KMT2C: variants seen among roughly 807,000 people sequenced by gnomAD.
KMT2C encodes lysine methyltransferase 2C, also known as histone-lysine N-methyltransferase 2C.
A neutral mutation model predicts 507.9 loss-of-function variants in KMT2C; 88 were observed. The observed-to-expected ratio is 0.17, with a 90% CI of 0.15 to 0.21. The LOEUF is 0.21. Among genes scored for constraint, KMT2C ranks in the 10% least tolerant of loss-of-function variants. The probability of loss-of-function intolerance (pLI) is 1.00; values close to 1 mark genes in which losing one functional copy is unlikely to be tolerated. For missense variants in KMT2C, 4,954 were observed against 5,957.8 expected, an observed-to-expected ratio of 0.83 and a Z score of 5.55; for synonymous variants, 2,049 against 2,080.8, an observed-to-expected ratio of 0.98 and a Z score of 0.42.
intron 43 of KMT2C, among the ~76,000 whole-genome samples, 169 bp downstream of exon 43, chr7:152,161,948 A>G (rs536542518): frequency 6.6e-6 from 1 of 152,260 alleles, no homozygotes; most frequent in South Asian, 2.1e-4. Context: ...TAGTTTAGAT[A>G]TAAGTAAAAA....
At position 152,187,804 on chromosome 7, in the gene KMT2C, G is replaced by A; in HGVS notation, c.4704C>T (p.Ser1568=). ...AAGAATTATGTGGGAGATGAGGACT[G>A]GATCCAATAAGGCCATTCATGAGAG... is the stretch of plus-strand genomic sequence containing the variant. ...RMPLMNGLIG[S]SPHLPHNSLP... The change falls in exon 32 of 59, where the codon TCC becomes TCT. Residue 1568 remains serine (S), a synonymous_variant. Coordinates refer to ENST00000262189, the MANE Select transcript of KMT2C (RefSeq NM_170606.3). 1 of 1,613,922 alleles carries A rather than the reference G, an allele frequency of 6.2e-7. No individual in the cohort carries two copies. The highest frequency in any genetic ancestry group is 1.3e-5 in the African/African-American group (1 of 75,040).
At chr7:152,402,011 G>GA (rs1444866283) in intron 1 of KMT2C, among the ~76,000 whole-genome samples, 37 of 152,410 alleles carry the variant, frequency 2.4e-4, no homozygotes, top group African/African-American at 8.9e-4. Context: ...TCGGGAGGCT[G>GA]AGACAGGAGA....
rs118061609 is a variant in KMT2C at position 152,158,261 on chromosome 7, G to A, written c.11670+602C>T. Among the ~76,000 whole-genome samples the A allele has an allele frequency of 3.7e-3, 568 of 152,332 alleles. 4 individuals are homozygous for A. Among genetic ancestry groups the A allele is most frequent in the Non-Finnish European group, 6.9e-3 (467 of 68,026 alleles). On this transcript the variant is annotated intron_variant, in intron 44 of 58. Coordinates refer to ENST00000262189, the MANE Select transcript of KMT2C (RefSeq NM_170606.3). ...CTTCTGTAACAACCACAAAGGTGTA[G>A]AACAGAATTCACAATGTGTTTCTTT...
chr7:152,163,472 T>C lies in KMT2C; in HGVS notation c.10105A>G (p.Thr3369Ala), dbSNP rs2092565842. The stretch of plus-strand genomic sequence containing the variant: ...CTCTGTGGATTTGCATTTGAGACTG[T>C]CCCTGGGGCTGGTGTACAAGTTTTT... ...PIKTCTPAPG[T>A]VSNANPQSGP... The change falls in exon 43 of 59, where the codon ACA becomes GCA. Residue 3369 changes from threonine (T) to alanine (A), a missense_variant. By Grantham distance (58) the Thr-to-Ala change is moderately conservative. This residue lies in a region of KMT2C where 801 missense variants were observed against 751.2 expected (regional missense o/e 1.07). Transcript: ENST00000262189. 3 of 1,614,222 alleles carry C rather than the reference T, an allele frequency of 1.9e-6. No individual in the cohort carries two copies. Among genetic ancestry groups the C allele is most frequent in the Admixed American group, 3.3e-5 (2 of 60,024 alleles).
At chr7:152,368,597 A>G (rs996599931) in intron 1 of KMT2C, 3 of 1,426,516 alleles carry the variant, frequency 2.1e-6, no homozygotes, top group Non-Finnish European at 2.9e-6. Context: ...GCTCAACAAC[A>G]TATTTTAGAA....
rs2129124597 is a variant in KMT2C, at chr7:152,187,325, C to T, written c.4945G>A (p.Ala1649Thr). Residue 1649 changes from alanine to threonine, a missense_variant, in exon 33 of 59, where the codon GCA (alanine) becomes ACA (threonine). Around this residue, in one of 29 missense-constraint regions of KMT2C, gnomAD observed 24 missense variants for 52.9 expected, o/e 0.45. Coordinates refer to ENST00000262189, the MANE Select transcript of KMT2C (RefSeq NM_170606.3). ...WEKEEALGEM[A>T]TVAPVLYTNI... is the part of the protein sequence containing the mutation. ...GTGTAGAGAACTGGGGCAACAGTTG[C>T]CATTTCACCCAGAGCCTCCTCTTTC... is the stretch of plus-strand genomic sequence containing the variant. The T allele has an allele frequency of 1.2e-6, 2 of 1,614,098 alleles. No individual in the cohort carries two copies. Among genetic ancestry groups the T allele is most frequent in the Non-Finnish European group, 8.5e-7 (1 of 1,180,014 alleles).
At chr7:152,147,695 GA>G (rs2091250702) in intron 52 of KMT2C, among the ~76,000 whole-genome samples, 1 of 46,338 alleles carries the variant, frequency 2.2e-5, no homozygotes, top group South Asian at 6.6e-4. Flanking sequence ...CAACAAAAGA[GA>G]AACTCCGTCT....
chr7:152,263,650 G>A (rs371194048), intron 8 of KMT2C, among the ~76,000 whole-genome samples: 3 of 152,240 alleles, frequency 2.0e-5, no homozygotes, highest in South Asian at 4.1e-4. Context: ...AGATTACTGC[G>A]AGAATTAAAG....
intron 6 of KMT2C, among the ~76,000 whole-genome samples, chr7:152,303,498 T>C (rs2096589481): frequency 6.6e-6 from 1 of 152,194 alleles, no homozygotes; most frequent in South Asian, 2.1e-4. Context: ...ATTTATCCCA[T>C]TAGTGACTCT....
At chr7:152,212,230 G>A (rs1033768094) in intron 23 of KMT2C, among the ~76,000 whole-genome samples, 3 of 152,172 alleles carry the variant, frequency 2.0e-5, no homozygotes, top group African/African-American at 4.8e-5. Flanking sequence ...AGGAAGGGAT[G>A]GTCAAAAGGT....
chr7:152,395,998 A>C (rs1055831336), intron 1 of KMT2C, among the ~76,000 whole-genome samples: 1 of 152,202 alleles, frequency 6.6e-6, no homozygotes, highest in Admixed American at 6.5e-5. Flanking sequence ...TACAACCTAC[A>C]AAACCTTGTT....
At chr7:152,339,929 G>T (rs2096975050) in intron 2 of KMT2C, among the ~76,000 whole-genome samples, 1 of 151,950 alleles carries the variant, frequency 6.6e-6, no homozygotes, top group Admixed American at 6.6e-5. Flanking sequence ...AGTAAACACT[G>T]ACATTCATTA....
intron 2 of KMT2C, among the ~76,000 whole-genome samples, chr7:152,332,993 C>T (rs1252117286): frequency 6.6e-6 from 1 of 152,156 alleles, no homozygotes; most frequent in Non-Finnish European, 1.5e-5. Flanking sequence ...GTTCACTTCA[C>T]ACCAGGATCA....
Position 152,367,577 on chromosome 7 carries a change from A to T in KMT2C, c.162-8902T>A, listed in dbSNP as rs1411646250. On this transcript the variant is annotated intron_variant, in intron 1 of 58. Transcript: ENST00000262189. ...AACTCATTATTCCTTACAGATTTGT[A>T]TGCTCCAGAGTATCCAGGTCCTTCT... 3.1e-6 allele frequency: 4 copies of T among 1,274,960 alleles called. No homozygotes were observed. In the East Asian group the frequency reaches 9.2e-5, roughly 29 times the overall value. The allele number at this position is 1,274,960 out of a possible 1,614,324, so 79.0% of individuals were successfully genotyped here. A position where few individuals can be genotyped will look rare whatever the true frequency, so the allele number is the denominator to read the frequency against.
chr7:152,164,317 T>C (rs1164532699), intron 42 of KMT2C, among the ~76,000 whole-genome samples: 1 of 148,752 alleles, frequency 6.7e-6, no homozygotes, highest in East Asian at 2.0e-4. Context: ...TGAGACGGAG[T>C]CTCGCTCTGT....
At chr7:152,178,705 A>G (rs1285658201) in intron 37 of KMT2C, among the ~76,000 whole-genome samples, 1 of 152,236 alleles carries the variant, frequency 6.6e-6, no homozygotes, top group Non-Finnish European at 1.5e-5. Context: ...TACACAAAAT[A>G]TAAAATGCAG....
At chr7:152,211,606 AG>A (rs1258554512) in intron 23 of KMT2C, among the ~76,000 whole-genome samples, 2 of 152,256 alleles carry the variant, frequency 1.3e-5, no homozygotes, top group African/African-American at 4.8e-5. Flanking sequence ...TGAGGTTCAT[AG>A]TGACACCAGT....
rs185027796 is a variant in KMT2C at position 152,277,534 on chromosome 7, T to C, written c.850-3667A>G. ...GAGGAACCTAAAACCGAAAGAGTCA[T>C]TATCACTGTTCCACTTATTTCTATA... On this transcript the variant is annotated intron_variant, in intron 6 of 58. Coordinates refer to ENST00000262189, the MANE Select transcript of KMT2C (RefSeq NM_170606.3). Among the ~76,000 whole-genome samples, 3 of 152,304 alleles carry C rather than the reference T, an allele frequency of 2.0e-5. No homozygotes were observed. In the East Asian group the frequency reaches 5.8e-4, roughly 29 times the overall value.
chr7:152,182,820 C>A (rs2093477743), intron 35 of KMT2C, among the ~76,000 whole-genome samples, 154 bp downstream of exon 35: 1 of 152,076 alleles, frequency 6.6e-6, no homozygotes, highest in South Asian at 2.1e-4. Flanking sequence ...TTTCTCAAAT[C>A]AATTTAAATA....
Sources: allele counts gnomAD v4.1 joint callset (sites outside exome capture counted in the v4.1 genomes callset), GRCh38; gene constraint gnomAD v4.1.1; regional missense constraint gnomAD v4.1.1; transcripts MANE v1.5; gene names NCBI Gene and HGNC (gene_info 2026-07-23, HGNC 2026-07-21).